CFAP20DC: variants seen among roughly 807,000 people sequenced by gnomAD.
The protein encoded by CFAP20DC is CFAP20 domain containing, also known as protein CFAP20DC.
Under a neutral mutation model 101.7 loss-of-function variants are expected in CFAP20DC, and 84 were observed. The observed-to-expected ratio is 0.83, with a 90% confidence interval of 0.69 to 0.99. The LOEUF (loss-of-function observed/expected upper bound fraction) is 0.99, where lower values mean the gene tolerates loss of function less well. Ranked by LOEUF, CFAP20DC falls within the 50% of genes least tolerant of loss-of-function variation. CFAP20DC has a pLI of 0.00. For missense variants in CFAP20DC, 1,007 were observed against 970.3 expected (o/e 1.04, Z -0.50); for synonymous variants, 359 against 351.2 (o/e 1.02, Z -0.25).
intron 14 of CFAP20DC, among the ~76,000 whole-genome samples, chr3:58,826,602 G>A (rs1433443918): frequency 3.3e-5 from 5 of 152,020 alleles, no homozygotes; most frequent in Non-Finnish European, 7.4e-5. Context: ...GATGGTTTCC[G>A]GCTTCATCCA....
In CFAP20DC at chr3:58,814,701, G is replaced by T. The variant is rs795413; in HGVS notation, c.2176-8245C>A. ...AATGTACAAAAATCACAAGCATTCT[G>T]ATACACCAACAACAGACAAACAGAG... On this transcript the variant is annotated intron_variant, in intron 14 of 16. Coordinates refer to ENST00000482387, the MANE Select transcript of CFAP20DC (RefSeq NM_001394063.1). 2.1e-4 allele frequency among the ~76,000 whole-genome samples: 32 copies of T among 150,634 alleles called. No individual in the cohort carries two copies. The East Asian group carries it at 5.6e-3, about 26-fold the overall frequency.
chr3:58,754,991 G>A (rs1048460889), intron 15 of CFAP20DC, among the ~76,000 whole-genome samples: 1 of 152,110 alleles, frequency 6.6e-6, no homozygotes, highest in Non-Finnish European at 1.5e-5. Context: ...GAAGATCATG[G>A]TGTGGACTTA....
At chr3:58,943,542 T>G (rs1195596668) in intron 4 of CFAP20DC, among the ~76,000 whole-genome samples, 1 of 152,088 alleles carries the variant, frequency 6.6e-6, no homozygotes, top group Non-Finnish European at 1.5e-5. Flanking sequence ...ATGAAAAGGA[T>G]GTCCACACAA....
In CFAP20DC at chr3:59,006,486, T is replaced by C. The variant is rs2093436948; in HGVS notation, c.278+33071A>G. ...TGCGAGACAGGCAAAAAACTGTGAG[T>C]TCCCAAAGTGTGAGGTGGGGAATCC... On this transcript the variant is annotated intron_variant, in intron 4 of 16. Transcript: ENST00000482387. The surrounding 1 kb of genome is among the most constrained non-coding windows in gnomAD (Gnocchi z 4.3). Among the ~76,000 whole-genome samples the C allele has an allele frequency of 6.6e-6, 1 of 152,152 alleles. No homozygotes were observed. Among genetic ancestry groups the C allele is most frequent in the East Asian group, 1.9e-4 (1 of 5,180 alleles).
At chr3:58,744,949 T>TA (rs2068094292) in intron 16 of CFAP20DC, among the ~76,000 whole-genome samples, 1 of 152,216 alleles carries the variant, frequency 6.6e-6, no homozygotes, top group Non-Finnish European at 1.5e-5. Flanking sequence ...GATGAGCTTC[T>TA]GTGACTCTGG....
intron 5 of CFAP20DC, among the ~76,000 whole-genome samples, chr3:58,916,449 C>T (rs1197901918): frequency 6.6e-6 from 1 of 152,094 alleles, no homozygotes; most frequent in East Asian, 1.9e-4. Context: ...TCCTTTTATT[C>T]TGTCAACCTG....
intron 4 of CFAP20DC, among the ~76,000 whole-genome samples, chr3:58,944,149 T>C (rs994888060): frequency 6.6e-6 from 1 of 151,882 alleles, no homozygotes; most frequent in Admixed American, 6.5e-5. Context: ...GAAAACACTC[T>C]TCAGGATATT....
chr3:58,870,405 G>T, intron 7 of CFAP20DC, 96 bp from the exon 8 acceptor site: 1 of 1,247,368 alleles, frequency 8.0e-7, no homozygotes, highest in Non-Finnish European at 1.2e-6. Flanking sequence ...AGGTGCCATA[G>T]GATCCAAATC....
chr3:59,035,097 G>A (rs2094072130), intron 4 of CFAP20DC, among the ~76,000 whole-genome samples: 2 of 152,120 alleles, frequency 1.3e-5, no homozygotes, highest in Admixed American at 6.6e-5. Context: ...TGACTACTGG[G>A]TAAATAATGA....
intron 6 of CFAP20DC, among the ~76,000 whole-genome samples, chr3:58,888,326 G>C (rs531114622): frequency 4.0e-4 from 61 of 152,334 alleles, no homozygotes; most frequent in African/African-American, 1.3e-3. Flanking sequence ...CAGTGAGCCA[G>C]AGTGACCCTG....
Position 58,964,491 on chromosome 3 carries a change from A to T in CFAP20DC, c.279-26729T>A, listed in dbSNP as rs889250589. ...GTTAACCTGGTCCACTTAAATTCCTATCTTATCCCTTCCTTCCTCGAAGTG... is the reference window on the plus strand; with the variant it reads ...GTTAACCTGGTCCACTTAAATTCCTTTCTTATCCCTTCCTTCCTCGAAGTG... On this transcript the variant is annotated intron_variant, in intron 4 of 16. Coordinates refer to ENST00000482387, the MANE Select transcript of CFAP20DC (RefSeq NM_001394063.1). This position sits in a 1 kb window ranked among gnomAD's most constrained non-coding sequence, Gnocchi z 4.1. Among the ~76,000 whole-genome samples the T allele has an allele frequency of 2.0e-5, 3 of 152,146 alleles. No homozygotes were observed. Among genetic ancestry groups the T allele is most frequent in the African/African-American group, 7.2e-5 (3 of 41,426 alleles).
At chr3:58,770,236 A>C (rs1002340574) in intron 15 of CFAP20DC, among the ~76,000 whole-genome samples, 5 of 152,248 alleles carry the variant, frequency 3.3e-5, no homozygotes, top group Non-Finnish European at 7.3e-5. Flanking sequence ...ACTTGAGATA[A>C]TATGAAAGAA....
rs2067668483 is a variant in CFAP20DC, at chr3:58,732,707, AAC to A, written c.198-15081_198-15080del. On this transcript the variant is annotated intron_variant, in intron 3 of 3. Coordinates refer to the CFAP20DC transcript ENST00000486145. The surrounding 1 kb of genome is among the most constrained non-coding windows in gnomAD (Gnocchi z 5.4). Reference sequence around the variant, plus strand: ...AACGTGGCACGAAAGCCGTGGCAAAAACAGTTACTCAAAGGAATTGTAAATTT... The same window carrying A: ...AACGTGGCACGAAAGCCGTGGCAAAAAGTTACTCAAAGGAATTGTAAATTT... Among the ~76,000 whole-genome samples, 1 of 152,218 alleles carries A rather than the reference AAC, an allele frequency of 6.6e-6. No individual in the cohort carries two copies. The highest frequency in any genetic ancestry group is 1.5e-5 in the Non-Finnish European group (1 of 68,046).
chr3:58,805,250 A>C (rs889957391), intron 15 of CFAP20DC, among the ~76,000 whole-genome samples: 1 of 152,220 alleles, frequency 6.6e-6, no homozygotes, highest in African/African-American at 2.4e-5. Flanking sequence ...TATGTGGACT[A>C]TGGAGCAGAG....
intron 15 of CFAP20DC, among the ~76,000 whole-genome samples, chr3:58,766,134 G>A (rs1228055011): frequency 6.6e-6 from 1 of 152,130 alleles, no homozygotes; most frequent in Non-Finnish European, 1.5e-5. Context: ...TAGAAAATGT[G>A]TTAGTTTTAT....
At chr3:58,730,692 G>C (rs2067628433) in intron 3 of CFAP20DC, among the ~76,000 whole-genome samples, 1 of 152,290 alleles carries the variant, frequency 6.6e-6, no homozygotes, top group Admixed American at 6.5e-5. Flanking sequence ...AATGAAGCTG[G>C]TTTGGTGAAT....
At chr3:58,853,125 G>A (rs2078412782) in intron 12 of CFAP20DC, among the ~76,000 whole-genome samples, 1 of 152,100 alleles carries the variant, frequency 6.6e-6, no homozygotes, top group South Asian at 2.1e-4. Context: ...GAATCAAATA[G>A]ACACAATAAG....
At position 58,851,591 on chromosome 3, in the gene CFAP20DC, A is replaced by G. The variant is rs145463092; in HGVS notation, c.1594-2182T>C. On this transcript the variant is annotated intron_variant, in intron 12 of 16. Transcript: ENST00000482387. ...AAGCTCCAGGAAATTAAAAGATAAA[A>G]ACAAAAAATATAAACTTTATTTCTC... Among the ~76,000 whole-genome samples, 704 of 152,304 alleles carry G rather than the reference A, an allele frequency of 4.6e-3. 5 individuals carry two copies. The highest frequency in any genetic ancestry group is 0.017 in the African/African-American group (688 of 41,568).
In CFAP20DC at chr3:58,717,669, G is replaced by C. The variant is rs1219970130; in HGVS notation, c.198-41C>G. The stretch of plus-strand genomic sequence containing the variant: ...GAGAAGAGAGAAGAAAAAAAAAAAA[G>C]AAAAAAGGTACATGCCTTTTATTCT... On this transcript the variant is annotated intron_variant, in intron 3 of 3. Transcript: ENST00000486145. The surrounding 1 kb of genome is among the most constrained non-coding windows in gnomAD (Gnocchi z 4.1). 3 of 419,700 alleles carry C rather than the reference G, an allele frequency of 7.1e-6. No homozygotes were observed. The East Asian group carries it at 2.2e-4, about 30-fold the overall frequency. 26.0% of individuals were successfully genotyped at this position (419,700 alleles called of 1,614,324 possible). A position where few individuals can be genotyped will look rare whatever the true frequency, so the allele number is the denominator to read the frequency against.
Sources: allele counts gnomAD v4.1 joint callset (sites outside exome capture counted in the v4.1 genomes callset), GRCh38; gene constraint gnomAD v4.1.1; non-coding constraint Gnocchi (gnomAD v3.1); transcripts MANE v1.5; gene names NCBI Gene and HGNC (gene_info 2026-07-23, HGNC 2026-07-21).